Variants in MSTO1 observed in about 807,000 individuals in gnomAD.
MSTO1 encodes the protein misato mitochondrial distribution and morphology regulator 1, also known as protein misato homolog 1.
In MSTO1, 24 loss-of-function variants were observed where a neutral mutation model predicts 55.7. The observed-to-expected ratio is 0.43, with a 90% confidence interval of 0.31 to 0.61. MSTO1 has a LOEUF of 0.61. Among genes scored for constraint, MSTO1 ranks in the 20% least tolerant of loss-of-function variants. The pLI, the probability that MSTO1 is intolerant of heterozygous loss-of-function variation, is 0.09. For synonymous variants in MSTO1, 162 were observed against 252.8 expected (o/e 0.64, Z 3.41); for missense variants, 363 against 625.7 (o/e 0.58, Z 4.48).
chr1:155,592,559 C>CT, the MSTO1 span, among the ~76,000 whole-genome samples: 2,748 of 147,174 alleles, frequency 0.019, 86 homozygotes, highest in African/African-American at 0.065. Flanking sequence ...TTGACAGTTA[C>CT]TTTTTTTTTT....
At chr1:155,580,229 A>G in the MSTO1 span, among the ~76,000 whole-genome samples, 2 of 140,852 alleles carry the variant, frequency 1.4e-5, no homozygotes, top group South Asian at 4.4e-4. Context: ...TGACTCTAAG[A>G]AAAAAAAAAA....
chr1:155,609,941 A>G (rs1001866769), upstream of MSTO1: 11 of 435,244 alleles, frequency 2.5e-5, no homozygotes, highest in Admixed American at 8.3e-5. Context: ...AGAGCCTTCC[A>G]CGGCCCGCGC....
chr1:155,606,519 C>T (rs1335086979), upstream of MSTO1, among the ~76,000 whole-genome samples: 6 of 151,596 alleles, frequency 4.0e-5, no homozygotes, highest in African/African-American at 7.3e-5. Context: ...CCCAGCCTCC[C>T]GAGGAGCTGG....
the MSTO1 span, among the ~76,000 whole-genome samples, chr1:155,576,806 G>A: frequency 2.0e-5 from 3 of 149,584 alleles, no homozygotes; most frequent in African/African-American, 7.4e-5. Flanking sequence ...CTGAGGTCAG[G>A]AGATCGAGAC....
At chr1:155,565,567 T>C in the MSTO1 span, among the ~76,000 whole-genome samples, 2 of 152,126 alleles carry the variant, frequency 1.3e-5, no homozygotes, top group Non-Finnish European at 2.9e-5. Context: ...CTATACCACA[T>C]TTTCTTCAAA....
the MSTO1 span, among the ~76,000 whole-genome samples, chr1:155,581,087 G>A: frequency 1.3e-5 from 2 of 152,110 alleles, no homozygotes; most frequent in Non-Finnish European, 2.9e-5. Flanking sequence ...AGCTTCAAAA[G>A]ACTAAGGCAA....
At chr1:155,574,719 A>G in the MSTO1 span, among the ~76,000 whole-genome samples, 1 of 152,008 alleles carries the variant, frequency 6.6e-6, no homozygotes, top group Non-Finnish European at 1.5e-5. Context: ...GGCACAGGCA[A>G]CTATGTTCAG....
chr1:155,564,449 G>C, the MSTO1 span, among the ~76,000 whole-genome samples: 7 of 152,134 alleles, frequency 4.6e-5, no homozygotes, highest in Non-Finnish European at 7.3e-5. Flanking sequence ...AGCCGAGATG[G>C]TGCCATTGCA....
the MSTO1 span, among the ~76,000 whole-genome samples, chr1:155,587,688 G>T: frequency 6.7e-6 from 1 of 149,452 alleles, no homozygotes; most frequent in Admixed American, 6.7e-5. Context: ...AGCTTGCAGT[G>T]AGCCGAGATC....
chr1:155,577,015 C>CA, the MSTO1 span, among the ~76,000 whole-genome samples: 107 of 34,636 alleles, frequency 3.1e-3, 3 homozygotes, highest in South Asian at 8.1e-3. Flanking sequence ...AACTCCGTCT[C>CA]AAAAAAAAAA....
chr1:155,591,019 G>A, the MSTO1 span: 1 of 1,613,876 alleles, frequency 6.2e-7, no homozygotes, highest in East Asian at 2.2e-5. Flanking sequence ...GACACAGACG[G>A]CACGTGCAGC....
the MSTO1 span, among the ~76,000 whole-genome samples, chr1:155,593,033 T>C: frequency 6.6e-6 from 1 of 152,170 alleles, no homozygotes; most frequent in African/African-American, 2.4e-5. Context: ...TGCCTCAGGC[T>C]CCCCAATAGC....
At chr1:155,571,573 G>C in the MSTO1 span, among the ~76,000 whole-genome samples, 2 of 152,204 alleles carry the variant, frequency 1.3e-5, no homozygotes, top group South Asian at 4.1e-4. Flanking sequence ...AAAAACCTTA[G>C]AGCTTGGAGA....
the MSTO1 span, among the ~76,000 whole-genome samples, chr1:155,567,173 C>T: frequency 6.6e-6 from 1 of 150,852 alleles, no homozygotes; most frequent in South Asian, 2.1e-4. Flanking sequence ...ACCCAGGTTG[C>T]AGAGCAGTGG....
the MSTO1 span, among the ~76,000 whole-genome samples, chr1:155,570,146 A>G: frequency 1.3e-5 from 2 of 152,146 alleles, no homozygotes; most frequent in Admixed American, 1.3e-4. Flanking sequence ...GAGTCCTAAA[A>G]TTCTAGAATG....
At chr1:155,593,232 C>T in the MSTO1 span, among the ~76,000 whole-genome samples, 2 of 152,112 alleles carry the variant, frequency 1.3e-5, no homozygotes, top group Non-Finnish European at 2.9e-5. Context: ...TTAGTGGATG[C>T]TTTACATACT....
At chr1:155,573,132 G>A in the MSTO1 span, among the ~76,000 whole-genome samples, 83 of 152,126 alleles carry the variant, frequency 5.5e-4, no homozygotes, top group African/African-American at 2.0e-3. Context: ...CCTTAACCAT[G>A]GACATACAGG....
the MSTO1 span, among the ~76,000 whole-genome samples, chr1:155,570,510 G>T: frequency 6.6e-6 from 1 of 152,102 alleles, no homozygotes. Context: ...ATAGTCAGAA[G>T]GTTGATATTA....
chr1:155,599,053 T>C, the MSTO1 span: 2 of 510,430 alleles, frequency 3.9e-6, no homozygotes, highest in Admixed American at 7.0e-5. Flanking sequence ...CTCATGCCTG[T>C]AATCCCAGCA....
Sources: allele counts gnomAD v4.1 joint callset (sites outside exome capture counted in the v4.1 genomes callset), GRCh38; gene constraint gnomAD v4.1.1; transcripts MANE v1.5; gene names NCBI Gene and HGNC (gene_info 2026-07-23, HGNC 2026-07-21).